RPS6KA5: variants seen among roughly 807,000 people sequenced by gnomAD.
RPS6KA5 encodes the protein ribosomal protein S6 kinase alpha-5.
RPS6KA5 carries 27 observed loss-of-function variants against 85.5 expected under a neutral mutation model. That is an observed-to-expected ratio of 0.32 (90% confidence interval 0.23 to 0.44). The LOEUF is 0.44. RPS6KA5 is among the 20% of genes least tolerant of loss of function. The pLI is 1.00. For synonymous variants in RPS6KA5, 334 were observed against 348.2 expected, an observed-to-expected ratio of 0.96 and a Z score of 0.46; for missense variants, 811 against 980.9, an observed-to-expected ratio of 0.83 and a Z score of 2.31.
intron 1 of RPS6KA5, among the ~76,000 whole-genome samples, chr14:91,013,265 G>A (rs1441804033): frequency 6.6e-6 from 1 of 152,180 alleles, no homozygotes; most frequent in Non-Finnish European, 1.5e-5. Context: ...ATTGTGCAAA[G>A]CACTGACAAG....
At chr14:90,945,308 G>A (rs1000846819) in intron 4 of RPS6KA5, among the ~76,000 whole-genome samples, 5 of 152,176 alleles carry the variant, frequency 3.3e-5, no homozygotes, top group Non-Finnish European at 7.3e-5. Flanking sequence ...GAGCCCCAGT[G>A]TTCTACAAGA....
chr14:90,963,783 G>C (rs2038924710), intron 3 of RPS6KA5, among the ~76,000 whole-genome samples: 1 of 152,136 alleles, frequency 6.6e-6, no homozygotes, highest in Non-Finnish European at 1.5e-5. Context: ...CTGCAGCTAG[G>C]ATATATTGAA....
chr14:90,905,653 A>G (rs970660431), intron 8 of RPS6KA5, among the ~76,000 whole-genome samples: 1 of 152,248 alleles, frequency 6.6e-6, no homozygotes, highest in South Asian at 2.1e-4. Context: ...GTAACACTCT[A>G]TGTGTCATGA....
At position 90,862,493 on chromosome 14, in the gene RPS6KA5, G is replaced by C. The variant is rs1189640298; in HGVS notation, c.*9581C>G. 2 of 150,608 alleles carry C rather than the reference G, an allele frequency of 1.3e-5. No homozygotes were observed. Among genetic ancestry groups the C allele is most frequent in the Non-Finnish European group, 2.9e-5 (2 of 67,886 alleles). The allele number at this position is 150,608 out of a possible 1,614,324, so 9.3% of individuals were successfully genotyped here. A position where few individuals can be genotyped will look rare whatever the true frequency, so the allele number is the denominator to read the frequency against. On this transcript the variant is annotated 3_prime_UTR_variant, in exon 17 of 17. Transcript: ENST00000614987. ...CTTCTTCTTCTTTTTTTAATGCTAG[G>C]CTCCTGCTCTGTTGCCCAGGTGGGA...
chr14:91,024,763 A>C (rs2041921789), intron 1 of RPS6KA5, among the ~76,000 whole-genome samples: 1 of 152,172 alleles, frequency 6.6e-6, no homozygotes, highest in African/African-American at 2.4e-5. Context: ...AACAAGTCCC[A>C]GACCAGGGTT....
chr14:90,978,578 G>A (rs987496952), intron 2 of RPS6KA5, 54 bp from the exon 3 acceptor site: 26 of 1,322,254 alleles, frequency 2.0e-5, no homozygotes, highest in Non-Finnish European at 2.5e-5. Flanking sequence ...AGGCAAAATG[G>A]TAATTTAGTG....
rs1412769235 is a variant in RPS6KA5, at chr14:90,863,562, T to A, written c.*8512A>T. 1 of 151,786 alleles carries A rather than the reference T, an allele frequency of 6.6e-6. No homozygotes were observed. The highest frequency in any genetic ancestry group is 1.5e-5 in the Non-Finnish European group (1 of 67,936). 9.4% of individuals were successfully genotyped at this position (151,786 alleles called of 1,614,324 possible). A position where few individuals can be genotyped will look rare whatever the true frequency, so the allele number is the denominator to read the frequency against. ...AAAGAAATCTAAAATAATATACAGA[T>A]TAGAATTAAAAAGTGAATTTAACAA... On this transcript the variant is annotated 3_prime_UTR_variant, in exon 17 of 17. Transcript: ENST00000614987.
intron 5 of RPS6KA5, among the ~76,000 whole-genome samples, chr14:90,926,664 AGT>A (rs59637202): frequency 3.0e-3 from 429 of 143,220 alleles, no homozygotes; most frequent in African/African-American, 3.7e-3. Context: ...TATATATTTA[AGT>A]GTGTGTGTGT....
intron 14 of RPS6KA5, among the ~76,000 whole-genome samples, chr14:90,883,706 G>A (rs1033011496): frequency 2.0e-5 from 3 of 152,064 alleles, no homozygotes; most frequent in East Asian, 1.9e-4. Context: ...TGTGATTCTT[G>A]TTGAAAATGG....
chr14:91,040,747 T>C (rs983626818), intron 1 of RPS6KA5, among the ~76,000 whole-genome samples: 4 of 152,086 alleles, frequency 2.6e-5, no homozygotes, highest in African/African-American at 7.2e-5. Flanking sequence ...CAGTCACCGA[T>C]TGAGAAGAAC....
chr14:91,058,127 T>C (rs1334234521), intron 1 of RPS6KA5, among the ~76,000 whole-genome samples: 3 of 152,222 alleles, frequency 2.0e-5, no homozygotes, highest in Admixed American at 2.0e-4. Context: ...CTGAAAGAAG[T>C]GCAGTTGGCT....
chr14:91,029,019 T>G (rs1265519350), intron 1 of RPS6KA5, among the ~76,000 whole-genome samples: 1 of 152,216 alleles, frequency 6.6e-6, no homozygotes, highest in Non-Finnish European at 1.5e-5. Context: ...GTTATTATTT[T>G]GGGTCACACT....
At chr14:91,043,471 A>G (rs1273884743) in intron 1 of RPS6KA5, among the ~76,000 whole-genome samples, 1 of 152,134 alleles carries the variant, frequency 6.6e-6, no homozygotes, top group Non-Finnish European at 1.5e-5. Context: ...CAGTTTCACA[A>G]CCGATTCTTC....
At chr14:91,005,428 T>C (rs2040975452) in intron 1 of RPS6KA5, among the ~76,000 whole-genome samples, 1 of 152,248 alleles carries the variant, frequency 6.6e-6, no homozygotes, top group South Asian at 2.1e-4. Context: ...TGTTCCTGAC[T>C]CTGAGTCTTT....
At chr14:91,057,720 G>C (rs2043381882) in intron 1 of RPS6KA5, among the ~76,000 whole-genome samples, 1 of 152,192 alleles carries the variant, frequency 6.6e-6, no homozygotes, top group South Asian at 2.1e-4. Flanking sequence ...CACACTTCAA[G>C]ATAAGATACT....
chr14:91,001,112 G>A lies in RPS6KA5; in HGVS notation c.151C>T (p.Leu51Phe). Reference sequence around the variant, plus strand: ...CCTCCAGTTCCTAGGACCTTCAGGAGCTCAAAATTTTCTATTCCCACCTTC... The same window carrying A: ...CCTCCAGTTCCTAGGACCTTCAGGAACTCAAAATTTTCTATTCCCACCTTC... ...AEKVGIENFE[L>F]LKVLGTGAYG... The change falls in exon 2 of 17, where the codon CTC (leucine) becomes TTC (phenylalanine). Residue 51 changes from leucine (L) to phenylalanine (F), a missense_variant. Leu to Phe is a conservative substitution (Grantham distance 22, BLOSUM62 0). This residue lies in a region of RPS6KA5 where 113 missense variants were observed against 100.0 expected (regional missense o/e 1.13). Coordinates refer to ENST00000614987, the MANE Select transcript of RPS6KA5 (RefSeq NM_004755.4). 1 of 1,598,338 alleles carries A rather than the reference G, an allele frequency of 6.3e-7. No individual in the cohort carries two copies. The highest frequency in any genetic ancestry group is 8.5e-7 in the Non-Finnish European group (1 of 1,171,538).
intron 4 of RPS6KA5, among the ~76,000 whole-genome samples, chr14:90,943,825 T>A (rs1467425021): frequency 6.6e-6 from 1 of 152,142 alleles, no homozygotes; most frequent in African/African-American, 2.4e-5. Context: ...TTAATTTTAC[T>A]CAAACTTTAG....
intron 2 of RPS6KA5, among the ~76,000 whole-genome samples, chr14:90,993,548 T>C (rs1032353330): frequency 2.0e-5 from 3 of 152,238 alleles, no homozygotes; most frequent in Non-Finnish European, 2.9e-5. Context: ...TATACAAGTG[T>C]AGATTAACAG....
intron 7 of RPS6KA5, among the ~76,000 whole-genome samples, chr14:90,915,868 G>GT (rs754980503): frequency 4.6e-5 from 7 of 151,238 alleles, no homozygotes; most frequent in Non-Finnish European, 7.4e-5. Flanking sequence ...TGTAAGACAC[G>GT]TAAGAAAAGC....
Sources: allele counts gnomAD v4.1 joint callset (sites outside exome capture counted in the v4.1 genomes callset), GRCh38; gene constraint gnomAD v4.1.1; regional missense constraint gnomAD v4.1.1; transcripts MANE v1.5; gene names NCBI Gene and HGNC (gene_info 2026-07-23, HGNC 2026-07-21).